KIAA0232: variants seen among roughly 807,000 people sequenced by gnomAD.
KIAA0232 encodes uncharacterized protein KIAA0232.
Under a neutral mutation model 122.0 loss-of-function variants are expected in KIAA0232, and 27 were observed. The observed-to-expected ratio is 0.22, with a 90% CI of 0.16 to 0.31. KIAA0232 has a LOEUF of 0.31. Among genes scored for constraint, KIAA0232 ranks in the 10% least tolerant of loss-of-function variants. The pLI, the probability that KIAA0232 is intolerant of heterozygous loss-of-function variation, is 1.00. For synonymous variants in KIAA0232, 613 were observed against 587.6 expected (o/e 1.04, Z -0.63); for missense variants, 1,551 against 1,634.2 (o/e 0.95, Z 0.88).
At chr4:6,823,278 C>G (rs1230201414) in intron 2 of KIAA0232, among the ~76,000 whole-genome samples, 1 of 151,990 alleles carries the variant, frequency 6.6e-6, no homozygotes, top group African/African-American at 2.4e-5. Context: ...ATTTATAGTC[C>G]TTTGGGTATA....
intron 4 of KIAA0232, among the ~76,000 whole-genome samples, chr4:6,849,727 A>G (rs1041793086): frequency 2.6e-5 from 4 of 151,874 alleles, no homozygotes; most frequent in Non-Finnish European, 5.9e-5. Context: ...AGATCACGCC[A>G]CTGCACTCCA....
At chr4:6,872,710 C>T (rs998214264) in intron 8 of KIAA0232, among the ~76,000 whole-genome samples, 3 of 152,196 alleles carry the variant, frequency 2.0e-5, no homozygotes, top group Non-Finnish European at 2.9e-5. Flanking sequence ...TTTAAATTTA[C>T]GGGTTCACGT....
At chr4:6,787,815 C>G (rs899142279) in intron 1 of KIAA0232, among the ~76,000 whole-genome samples, 1 of 152,142 alleles carries the variant, frequency 6.6e-6, no homozygotes, top group Non-Finnish European at 1.5e-5. Flanking sequence ...AAGTATACAC[C>G]AGAGGTTCTC....
At position 6,871,559 on chromosome 4, in the gene KIAA0232, G is replaced by T; in HGVS notation, c.3802-15G>T. 2 of 1,427,530 alleles carry T rather than the reference G, an allele frequency of 1.4e-6. No homozygotes were observed. Among genetic ancestry groups the T allele is most frequent in the Non-Finnish European group, 9.7e-7 (1 of 1,025,840 alleles). The allele number at this position is 1,427,530 out of a possible 1,614,324, so 88.4% of individuals were successfully genotyped here. On this transcript the variant is annotated splice_polypyrimidine_tract_variant and intron_variant, in intron 7 of 9. Transcript: ENST00000307659. Reference sequence around the variant, plus strand: ...AGTTTATAAACTTTTTCTGTATTTGGTTTAATCTAAACAGTTCCCTGTATT... The same window carrying T: ...AGTTTATAAACTTTTTCTGTATTTGTTTTAATCTAAACAGTTCCCTGTATT...
intron 2 of KIAA0232, among the ~76,000 whole-genome samples, chr4:6,808,730 T>A (rs149786817): frequency 4.9e-4 from 75 of 152,090 alleles, no homozygotes; most frequent in African/African-American, 1.8e-3. Context: ...GTGATCTGAG[T>A]TGGTTTTTTC....
At chr4:6,810,576 A>G (rs1224907175) in intron 2 of KIAA0232, among the ~76,000 whole-genome samples, 1 of 152,194 alleles carries the variant, frequency 6.6e-6, no homozygotes, top group Non-Finnish European at 1.5e-5. Context: ...GAAATAGACA[A>G]ATGGGCCTTA....
intron 3 of KIAA0232, among the ~76,000 whole-genome samples, chr4:6,828,725 C>T (rs1215532767): frequency 6.6e-6 from 1 of 152,152 alleles, no homozygotes; most frequent in Non-Finnish European, 1.5e-5. Context: ...CTCGAAGTGA[C>T]TCGTTGTTTA....
chr4:6,820,634 A>G (rs1180044007), intron 2 of KIAA0232, among the ~76,000 whole-genome samples: 2 of 151,930 alleles, frequency 1.3e-5, no homozygotes, highest in African/African-American at 4.8e-5. Context: ...TTTTACTTAT[A>G]TGTATGTTAT....
rs544869198 is a variant in KIAA0232, at chr4:6,841,485, G to A, written c.232-582G>A. 2.6e-5 allele frequency among the ~76,000 whole-genome samples: 4 copies of A among 152,266 alleles called. 1 individual carries two copies. In the South Asian group the frequency reaches 8.3e-4, roughly 32 times the overall value. On this transcript the variant is annotated intron_variant, in intron 3 of 9. Coordinates refer to ENST00000307659, the MANE Select transcript of KIAA0232 (RefSeq NM_014743.3). ...AATATGTTCAGTTAAACTCATGCTT[G>A]TGGATTAATACCAGCATTTGGCAAT...
At chr4:6,847,570 G>T (rs534044806) in intron 4 of KIAA0232, among the ~76,000 whole-genome samples, 1 of 152,278 alleles carries the variant, frequency 6.6e-6, no homozygotes, top group African/African-American at 2.4e-5. Context: ...GGCTTTATTG[G>T]TTTTTAGGTC....
At chr4:6,867,022 G>T (rs993254122) in intron 7 of KIAA0232, among the ~76,000 whole-genome samples, 1 of 152,174 alleles carries the variant, frequency 6.6e-6, no homozygotes, top group Non-Finnish European at 1.5e-5. Flanking sequence ...TTTTTTGCGC[G>T]TATTAACAAG....
At chr4:6,833,941 C>T (rs1288459778) in intron 3 of KIAA0232, among the ~76,000 whole-genome samples, 1 of 152,120 alleles carries the variant, frequency 6.6e-6, no homozygotes, top group African/African-American at 2.4e-5. Flanking sequence ...TTGAGATTTC[C>T]CCCGCTTACT....
intron 3 of KIAA0232, among the ~76,000 whole-genome samples, chr4:6,831,016 TTCTTTC>T: frequency 6.6e-6 from 1 of 152,128 alleles, no homozygotes; most frequent in South Asian, 2.1e-4. Context: ...AAGTAGTGCT[TTCTTTC>T]TCTTTTTTTT....
At chr4:6,877,771 T>G (rs1721833090) in intron 9 of KIAA0232, among the ~76,000 whole-genome samples, 1 of 152,092 alleles carries the variant, frequency 6.6e-6, no homozygotes, top group Admixed American at 6.5e-5. Flanking sequence ...GGTCTGCCTT[T>G]CCCAGCCCAC....
intron 3 of KIAA0232, among the ~76,000 whole-genome samples, chr4:6,828,121 C>T (rs1718787244): frequency 6.6e-6 from 1 of 152,152 alleles, no homozygotes; most frequent in Non-Finnish European, 1.5e-5. Flanking sequence ...TTCTGTTTCT[C>T]AGTAGGTTAT....
intron 2 of KIAA0232, among the ~76,000 whole-genome samples, chr4:6,813,962 A>G (rs1717997666): frequency 6.6e-6 from 1 of 152,026 alleles, no homozygotes. Flanking sequence ...CAATGTTAAT[A>G]TTGACCCCAG....
At chr4:6,796,912 AGCATC>A (rs1560161888) in intron 1 of KIAA0232, among the ~76,000 whole-genome samples, 4 of 152,180 alleles carry the variant, frequency 2.6e-5, no homozygotes, top group Non-Finnish European at 5.9e-5. Flanking sequence ...TATGTTAGTC[AGCATC>A]CTTTGGCACT....
chr4:6,879,891 CCT>C, intron 9 of KIAA0232, among the ~76,000 whole-genome samples: 1 of 140,432 alleles, frequency 7.1e-6, no homozygotes, highest in African/African-American at 2.7e-5. Context: ...TGCAGTGTCC[CCT>C]CACCATCTGT....
At chr4:6,829,595 C>G (rs1718864520) in intron 3 of KIAA0232, among the ~76,000 whole-genome samples, 1 of 152,214 alleles carries the variant, frequency 6.6e-6, no homozygotes, top group Non-Finnish European at 1.5e-5. Context: ...AGTCTGCAAG[C>G]CAAACCTCGA....
Sources: gnomAD v4.1 joint callset for allele counts (sites outside exome capture counted in the v4.1 genomes callset) on GRCh38, gnomAD v4.1.1 for gene constraint, MANE v1.5 for transcripts, NCBI Gene and HGNC (gene_info 2026-07-23, HGNC 2026-07-21) for gene names.